PTPRT: variants seen among roughly 807,000 people sequenced by gnomAD.
PTPRT encodes the protein receptor-type tyrosine-protein phosphatase T.
A neutral mutation model predicts 176.8 loss-of-function variants in PTPRT; 56 were observed. That is an observed-to-expected ratio of 0.32 (90% CI 0.26 to 0.40). The LOEUF (loss-of-function observed/expected upper bound fraction) is 0.40. Ranked by LOEUF, PTPRT falls within the 10% of genes least tolerant of loss-of-function variation. The pLI is 1.00. For synonymous variants in PTPRT, 783 were observed against 739.0 expected, an observed-to-expected ratio of 1.06 and a Z score of -0.96; for missense variants, 1,540 against 1,908.2, an observed-to-expected ratio of 0.81 and a Z score of 3.60.
At chr20:42,783,128 T>C (rs2077238381) in intron 3 of PTPRT, among the ~76,000 whole-genome samples, 1 of 152,218 alleles carries the variant, frequency 6.6e-6, no homozygotes, top group Non-Finnish European at 1.5e-5. Context: ...TGTTTAGCTT[T>C]GGGCCTATAC....
chr20:42,629,357 T>C (rs2074360657), intron 7 of PTPRT, among the ~76,000 whole-genome samples: 1 of 152,166 alleles, frequency 6.6e-6, no homozygotes, highest in South Asian at 2.1e-4. Flanking sequence ...GTCAACTGCA[T>C]TTATGGTGTG....
chr20:43,068,688 T>A (rs1356530632), intron 1 of PTPRT, among the ~76,000 whole-genome samples: 1 of 151,910 alleles, frequency 6.6e-6, no homozygotes, highest in South Asian at 2.1e-4. Flanking sequence ...GAGGCAGTAT[T>A]GCCATGAGAG....
intron 6 of PTPRT, among the ~76,000 whole-genome samples, chr20:42,723,386 C>T (rs183526180): frequency 7.2e-5 from 11 of 152,322 alleles, no homozygotes; most frequent in African/African-American, 2.6e-4. Flanking sequence ...CCATTCGAAG[C>T]TGCAGTGACT....
In PTPRT at chr20:42,081,918, T is replaced by C. The variant is rs772404679; in HGVS notation, c.4236A>G (p.Thr1412=). Residue 1412 remains threonine, a synonymous_variant, in exon 30 of 31, where the codon ACA becomes ACG. Coordinates refer to ENST00000373187, the MANE Select transcript of PTPRT (RefSeq NM_007050.6). ...NIIDVFHIVK[T]LRNNKSNMVE... The stretch of plus-strand genomic sequence containing the variant: ...CCATGTTGGATTTGTTGTTACGCAG[T>C]GTTTTCACGATGTGGAACACGTCAA... 1.9e-6 allele frequency: 3 copies of C among 1,614,264 alleles called. No homozygotes were observed. The South Asian group carries it at 3.3e-5, about 18-fold the overall frequency.
chr20:42,925,209 A>G (rs2145961226), intron 1 of PTPRT, among the ~76,000 whole-genome samples: 1 of 152,282 alleles, frequency 6.6e-6, no homozygotes, highest in African/African-American at 2.4e-5. Context: ...CACCTGTACT[A>G]ATATTTAGTT....
intron 11 of PTPRT, among the ~76,000 whole-genome samples, chr20:42,348,919 A>G (rs896284700): frequency 6.6e-6 from 1 of 152,314 alleles, no homozygotes. Context: ...CTTACGATAT[A>G]TAAGCTTGTT....
At position 42,110,395 on chromosome 20, in the gene PTPRT, G is replaced by T; in HGVS notation, c.3192C>A (p.Gly1064=). Residue 1064 remains glycine (G), a synonymous_variant, in exon 23 of 31, where the codon GGC becomes GGA. Transcript: ENST00000373187. ...GVPCYATGLL[G]FVRQVKFLNP... is the part of the protein sequence containing the mutation. ...TGAGGAACTTGACCTGGCGGACGAA[G>T]CCCAGAAGGCCAGTGGCATAGCAGG... 6.8e-6 allele frequency: 11 copies of T among 1,612,704 alleles called. No individual in the cohort carries two copies. Among genetic ancestry groups the T allele is most frequent in the Non-Finnish European group, 9.3e-6 (11 of 1,178,948 alleles).
chr20:42,610,088 C>T (rs1600465831), intron 7 of PTPRT, among the ~76,000 whole-genome samples: 1 of 152,294 alleles, frequency 6.6e-6, no homozygotes, highest in Non-Finnish European at 1.5e-5. Flanking sequence ...CTTTCCTTCT[C>T]TGGAACACCA....
At chr20:42,442,892 A>G (rs2059329701) in intron 9 of PTPRT, among the ~76,000 whole-genome samples, 1 of 152,144 alleles carries the variant, frequency 6.6e-6, no homozygotes, top group African/African-American at 2.4e-5. Context: ...CCTGTCCGCA[A>G]TTGCGACGGT....
intron 1 of PTPRT, among the ~76,000 whole-genome samples, chr20:43,025,544 A>G (rs1985875713): frequency 6.6e-6 from 1 of 152,222 alleles, no homozygotes; most frequent in Non-Finnish European, 1.5e-5. Context: ...TCTCCTGGAA[A>G]AAATCATCAC....
chr20:42,237,100 A>G (rs1368837910), intron 14 of PTPRT, among the ~76,000 whole-genome samples: 1 of 152,164 alleles, frequency 6.6e-6, no homozygotes, highest in South Asian at 2.1e-4. Context: ...GCCCCCAGCC[A>G]TTTTACTTTC....
At chr20:43,162,875 T>C (rs1017942261) in intron 1 of PTPRT, among the ~76,000 whole-genome samples, 1 of 152,240 alleles carries the variant, frequency 6.6e-6, no homozygotes, top group African/African-American at 2.4e-5. Context: ...TCCAGCCAAG[T>C]GAGGCTGCTC....
At chr20:42,289,889 C>T (rs550018560) in intron 12 of PTPRT, among the ~76,000 whole-genome samples, 7 of 152,182 alleles carry the variant, frequency 4.6e-5, no homozygotes, top group African/African-American at 1.4e-4. Context: ...GACTGACAAA[C>T]GTGATGCCAA....
chr20:42,142,335 T>C (rs1237630390), intron 17 of PTPRT, among the ~76,000 whole-genome samples: 1 of 152,178 alleles, frequency 6.6e-6, no homozygotes, highest in Non-Finnish European at 1.5e-5. Context: ...CTGTTTTAGG[T>C]ACTAGGGATA....
chr20:42,490,581 C>CT (rs2071545243), intron 7 of PTPRT, among the ~76,000 whole-genome samples: 1 of 152,100 alleles, frequency 6.6e-6, no homozygotes, highest in African/African-American at 2.4e-5. Flanking sequence ...GTTGAACTCT[C>CT]TTATTACCAC....
At chr20:42,184,541 C>CTCTTCTTCTTCTTCTTCTTCTTCTTCT (rs1385842092) in intron 16 of PTPRT, among the ~76,000 whole-genome samples, 2,506 of 91,496 alleles carry the variant, frequency 0.027, 314 homozygotes, top group East Asian at 0.075. Flanking sequence ...CTTCCTCTTC[C>CTCTTCTTCTTCTTCTTCTTCTTCTTCT]TCTTCTTCTT....
intron 6 of PTPRT, among the ~76,000 whole-genome samples, chr20:42,710,236 A>G (rs1314083168): frequency 2.0e-5 from 3 of 152,228 alleles, no homozygotes; most frequent in African/African-American, 7.2e-5. Flanking sequence ...TAGCATGACT[A>G]AAAGGGAGAC....
intron 20 of PTPRT, among the ~76,000 whole-genome samples, chr20:42,119,514 A>G (rs1296340701): frequency 2.6e-5 from 4 of 152,148 alleles, no homozygotes; most frequent in African/African-American, 9.7e-5. Context: ...CTGCCAAGTT[A>G]CTTTCTAGGG....
At chr20:42,746,063 A>G (rs956648450) in intron 6 of PTPRT, among the ~76,000 whole-genome samples, 7 of 152,258 alleles carry the variant, frequency 4.6e-5, no homozygotes, top group Non-Finnish European at 8.8e-5. Context: ...TGCAGTTGCC[A>G]TTTGATTTAA....
Sources: allele counts gnomAD v4.1 joint callset (sites outside exome capture counted in the v4.1 genomes callset), GRCh38; gene constraint gnomAD v4.1.1; transcripts MANE v1.5; gene names NCBI Gene and HGNC (gene_info 2026-07-23, HGNC 2026-07-21).